Variants in ARFGEF1 observed in about 807,000 individuals in gnomAD.
ARFGEF1 encodes the protein brefeldin A-inhibited guanine nucleotide-exchange protein 1.
In ARFGEF1, 42 loss-of-function variants were observed where a neutral mutation model predicts 231.0. That is an observed-to-expected ratio of 0.18 (90% CI 0.14 to 0.24). The LOEUF (loss-of-function observed/expected upper bound fraction) is 0.24. ARFGEF1 is among the 10% of genes least tolerant of loss of function. ARFGEF1 has a pLI of 1.00. For missense variants in ARFGEF1, 1,345 were observed against 2,192.0 expected, an observed-to-expected ratio of 0.61 and a Z score of 7.72; for synonymous variants, 710 against 732.3, an observed-to-expected ratio of 0.97 and a Z score of 0.49.
intron 14 of ARFGEF1, among the ~76,000 whole-genome samples, chr8:67,262,279 T>C (rs539125271): frequency 1.4e-4 from 21 of 152,194 alleles, no homozygotes; most frequent in Non-Finnish European, 2.6e-4. Context: ...AGGAAGTAAC[T>C]GCAGATGTGG....
intron 1 of ARFGEF1, among the ~76,000 whole-genome samples, chr8:67,334,818 C>T (rs1808268221): frequency 6.6e-6 from 1 of 152,178 alleles, no homozygotes; most frequent in South Asian, 2.1e-4. Context: ...CTGTGTATAA[C>T]TGCATTTCAT....
intron 5 of ARFGEF1, among the ~76,000 whole-genome samples, chr8:67,177,070 CAAAAAAAAAAAAA>C (rs36084458): frequency 1.9e-5 from 1 of 51,864 alleles, no homozygotes; most frequent in Non-Finnish European, 3.9e-5. Flanking sequence ...GACTTAGTCT[CAAAAAAAAAAAAA>C]AAAAAAAAAA....
chr8:67,260,466 C>G (rs1482021702), intron 14 of ARFGEF1, among the ~76,000 whole-genome samples: 1 of 152,176 alleles, frequency 6.6e-6, no homozygotes, highest in Non-Finnish European at 1.5e-5. Context: ...ACTATTATAT[C>G]TGATACTGTG....
At chr8:67,337,462 C>T (rs1808402582) in intron 1 of ARFGEF1, among the ~76,000 whole-genome samples, 1 of 152,018 alleles carries the variant, frequency 6.6e-6, no homozygotes, top group Admixed American at 6.6e-5. Context: ...TCACCCTTTC[C>T]ACCACCACCA....
chr8:67,181,091 G>A (rs968876105), intron 5 of ARFGEF1, among the ~76,000 whole-genome samples: 5 of 151,852 alleles, frequency 3.3e-5, no homozygotes, highest in Non-Finnish European at 2.9e-5. Context: ...AGGCTGGAGT[G>A]CAGCAGCACA....
intron 1 of ARFGEF1, among the ~76,000 whole-genome samples, chr8:67,335,850 G>A (rs1056033448): frequency 1.3e-5 from 2 of 151,698 alleles, no homozygotes; most frequent in African/African-American, 2.4e-5. Context: ...AGGTTCAAGC[G>A]ATTCTCCTGC....
chr8:67,229,538 C>T (rs1162720140), intron 23 of ARFGEF1, among the ~76,000 whole-genome samples: 3 of 151,974 alleles, frequency 2.0e-5, no homozygotes, highest in South Asian at 2.1e-4. Context: ...CTATATCGTT[C>T]GTCAGCAGAA....
chr8:67,177,561 G>A (rs1586765458), intron 5 of ARFGEF1: 2 of 653,554 alleles, frequency 3.1e-6, no homozygotes, highest in East Asian at 5.5e-5. Flanking sequence ...ACTCTGAAGT[G>A]TGATAGTTGA....
chr8:67,220,284 C>A (rs1049475309), intron 29 of ARFGEF1, among the ~76,000 whole-genome samples: 1 of 152,208 alleles, frequency 6.6e-6, no homozygotes, highest in Non-Finnish European at 1.5e-5. Flanking sequence ...CACTTTTAAT[C>A]TTTTCTCTAT....
intron 4 of ARFGEF1, 38 bp from the exon 5 acceptor site, chr8:67,296,648 C>CT: frequency 4.7e-6 from 7 of 1,486,776 alleles, no homozygotes; most frequent in South Asian, 2.6e-5. Flanking sequence ...AAGAGATTTT[C>CT]TTTTTCTTTT....
chr8:67,204,840 A>G, intron 34 of ARFGEF1, 21 bp from the exon 35 acceptor site: 4 of 1,610,788 alleles, frequency 2.5e-6, no homozygotes, highest in Non-Finnish European at 3.4e-6. Context: ...ACCCCCCCCA[A>G]TGCACATGCA....
downstream of ARFGEF1, chr8:67,193,735 CAT>C (rs1354703074): frequency 1.5e-6 from 1 of 661,834 alleles, no homozygotes; most frequent in African/African-American, 1.8e-5. Flanking sequence ...TGGCCCAAGA[CAT>C]AGTAACTATT....
At chr8:67,299,383 C>T in intron 3 of ARFGEF1, 28 bp from the exon 4 acceptor site, 1 of 1,589,206 alleles carries the variant, frequency 6.3e-7, no homozygotes, top group Non-Finnish European at 8.5e-7. Flanking sequence ...AACAAAGATC[C>T]TAAGTAAGGT....
chr8:67,340,480 T>C (rs1349350392), intron 1 of ARFGEF1, among the ~76,000 whole-genome samples: 1 of 152,198 alleles, frequency 6.6e-6, no homozygotes, highest in Non-Finnish European at 1.5e-5. Context: ...AATAGTGAAG[T>C]GGAGAAGATA....
intron 9 of ARFGEF1, among the ~76,000 whole-genome samples, chr8:67,274,254 C>A (rs1247703293): frequency 6.7e-6 from 1 of 149,606 alleles, no homozygotes; most frequent in Non-Finnish European, 1.5e-5. Context: ...TTTAGCAAGA[C>A]CAGAAAATAT....
At chr8:67,319,985 C>G (rs939402629) in intron 1 of ARFGEF1, among the ~76,000 whole-genome samples, 3 of 151,966 alleles carry the variant, frequency 2.0e-5, no homozygotes, top group Non-Finnish European at 4.4e-5. Flanking sequence ...CTTTGGGAGG[C>G]CGAGGCGGGT....
chr8:67,236,613 G>A (rs970132631), intron 22 of ARFGEF1, among the ~76,000 whole-genome samples: 1 of 151,924 alleles, frequency 6.6e-6, no homozygotes, highest in Non-Finnish European at 1.5e-5. Context: ...CCCAACAGGG[G>A]CCAAGTCCAC....
chr8:67,189,787 C>T (rs1426064138), intron 5 of ARFGEF1, among the ~76,000 whole-genome samples: 3 of 152,106 alleles, frequency 2.0e-5, no homozygotes, highest in Non-Finnish European at 1.5e-5. Context: ...TAGAAATTGG[C>T]AAAGTAACTA....
At chr8:67,266,332 T>C (rs1293350467) in intron 13 of ARFGEF1, 125 bp from the exon 14 acceptor site, 2 of 691,344 alleles carry the variant, frequency 2.9e-6, no homozygotes, top group Non-Finnish European at 4.9e-6. Context: ...TAATACAAAA[T>C]AACTATTAGG....
Sources: gnomAD v4.1 joint callset for allele counts (sites outside exome capture counted in the v4.1 genomes callset) on GRCh38, gnomAD v4.1.1 for gene constraint, MANE v1.5 for transcripts, NCBI Gene and HGNC (gene_info 2026-07-23, HGNC 2026-07-21) for gene names.